Variants in SLC17A1 observed in about 807,000 individuals in gnomAD.
SLC17A1 encodes solute carrier family 17 member 1, also known as sodium-dependent phosphate transport protein 1.
A neutral mutation model predicts 53.5 loss-of-function variants in SLC17A1; 51 were observed. The ratio of observed to expected loss-of-function variants is 0.95; its 90% CI spans 0.76 to 1.20. The LOEUF (loss-of-function observed/expected upper bound fraction) is 1.20. Among genes scored for constraint, SLC17A1 ranks in the 50% most tolerant of loss-of-function variants. SLC17A1 has a pLI of 0.00. For missense variants in SLC17A1, 538 were observed against 568.2 expected, an observed-to-expected ratio of 0.95 and a Z score of 0.54; for synonymous variants, 179 against 198.8, an observed-to-expected ratio of 0.90 and a Z score of 0.84.
At chr6:25,759,861 G>T in the SLC17A1 span, among the ~76,000 whole-genome samples, 1 of 152,120 alleles carries the variant, frequency 6.6e-6, no homozygotes, top group Non-Finnish European at 1.5e-5. Flanking sequence ...CCAATTCTTT[G>T]ATAGCTGTAT....
the SLC17A1 span, chr6:25,770,479 G>A: frequency 0.3 from 491,553 of 1,611,888 alleles, 83,367 homozygotes; most frequent in East Asian, 0.76. Flanking sequence ...CAGGTAACTG[G>A]TACCCTAAAC....
At chr6:25,802,923 G>A (rs1482223958) in intron 10 of SLC17A1, among the ~76,000 whole-genome samples, 1 of 131,182 alleles carries the variant, frequency 7.6e-6, no homozygotes, top group Non-Finnish European at 1.6e-5. Context: ...ACGTTTTAAC[G>A]ACTATCTTCT....
At chr6:25,788,556 G>A (rs1763432943) in intron 12 of SLC17A1, among the ~76,000 whole-genome samples, 1 of 152,194 alleles carries the variant, frequency 6.6e-6, no homozygotes. Context: ...AGCCTGACCA[G>A]GTGCAGAGGG....
At chr6:25,823,182 T>C (rs1222272016) in intron 3 of SLC17A1, among the ~76,000 whole-genome samples, 1 of 152,176 alleles carries the variant, frequency 6.6e-6, no homozygotes, top group Non-Finnish European at 1.5e-5. Flanking sequence ...GGATGTGCCA[T>C]AGTTTGTTCA....
the SLC17A1 span, chr6:25,771,099 T>C: frequency 1.8e-6 from 2 of 1,090,482 alleles, no homozygotes; most frequent in African/African-American, 3.1e-5. Context: ...CTAATAGATA[T>C]GGATATTTAC....
chr6:25,803,774 G>A (rs548248608), intron 10 of SLC17A1, among the ~76,000 whole-genome samples: 13 of 152,018 alleles, frequency 8.6e-5, no homozygotes, highest in Non-Finnish European at 1.9e-4. Context: ...CAATAATTAT[G>A]GAGCAGCTAA....
rs777460557 is a variant in SLC17A1, at chr6:25,830,607, A to C, written c.-50T>G. Reference sequence around the variant, plus strand: ...TTGCTGAAGGGTTTTGCCTCCACCCACTGTGAGTGCAAAACACGTTGATGT... The same window carrying C: ...TTGCTGAAGGGTTTTGCCTCCACCCCCTGTGAGTGCAAAACACGTTGATGT... On this transcript the variant is annotated splice_region_variant and 5_prime_UTR_variant, in exon 2 of 13. Transcript: ENST00000244527. The C allele has an allele frequency of 3.1e-6, 5 of 1,610,722 alleles. No individual in the cohort carries two copies. The African/African-American group carries it at 6.7e-5, about 22-fold the overall frequency.
At chr6:25,775,126 T>G in the SLC17A1 span, among the ~76,000 whole-genome samples, 172 of 152,200 alleles carry the variant, frequency 1.1e-3, 1 homozygote, top group East Asian at 0.03. Flanking sequence ...GGTCAGGTGT[T>G]TGAGACCAGC....
the SLC17A1 span, among the ~76,000 whole-genome samples, chr6:25,723,774 G>T: frequency 6.6e-6 from 1 of 152,146 alleles, no homozygotes; most frequent in Admixed American, 6.5e-5. Context: ...CACTGCACTC[G>T]TCTGTGCGAC....
At chr6:25,727,367 G>T in the SLC17A1 span, 6 of 1,337,548 alleles carry the variant, frequency 4.5e-6, no homozygotes, top group Admixed American at 2.4e-5. Context: ...ACAGCTGTGG[G>T]CTTCGTTTTT....
At chr6:25,766,820 A>G in the SLC17A1 span, among the ~76,000 whole-genome samples, 267 of 152,362 alleles carry the variant, frequency 1.8e-3, 2 homozygotes, top group Non-Finnish European at 2.8e-3. Context: ...AATACATTTT[A>G]GAAACAAGGT....
At chr6:25,813,022 A>G in intron 7 of SLC17A1, 30 bp from the exon 8 acceptor site, 1 of 1,613,506 alleles carries the variant, frequency 6.2e-7, no homozygotes, top group South Asian at 1.1e-5. Flanking sequence ...GAATTAGCAC[A>G]TTAGAACAAA....
chr6:25,761,679 T>A, the SLC17A1 span, among the ~76,000 whole-genome samples: 1 of 152,152 alleles, frequency 6.6e-6, no homozygotes, highest in East Asian at 1.9e-4. Flanking sequence ...GATATTACAA[T>A]TTATGAAGGC....
rs1764062913 is a variant in SLC17A1, at chr6:25,809,197, AT to A, written c.1178+2200del. On this transcript the variant is annotated intron_variant, in intron 10 of 12. Coordinates refer to ENST00000244527, the MANE Select transcript of SLC17A1 (RefSeq NM_005074.5). Reference sequence around the variant, plus strand: ...TCAGTTATAAAGTAAGAACTAAATAATGTATACACATGGACAGAGTGTAGAA... The same window carrying A: ...TCAGTTATAAAGTAAGAACTAAATAAGTATACACATGGACAGAGTGTAGAA... 5.9e-5 allele frequency among the ~76,000 whole-genome samples: 9 copies of A among 152,214 alleles called. No individual in the cohort carries two copies. In the South Asian group the frequency reaches 1.9e-3, roughly 32 times the overall value.
At chr6:25,790,582 A>G (rs1324128119) in intron 12 of SLC17A1, among the ~76,000 whole-genome samples, 1 of 152,166 alleles carries the variant, frequency 6.6e-6, no homozygotes, top group Non-Finnish European at 1.5e-5. Flanking sequence ...TTAAAAGTAT[A>G]TTTTATTAAT....
the SLC17A1 span, among the ~76,000 whole-genome samples, chr6:25,740,356 G>T: frequency 1.3e-5 from 2 of 151,774 alleles, no homozygotes; most frequent in East Asian, 3.8e-4. Flanking sequence ...ATATTTACAA[G>T]ATATAACTTC....
intron 3 of SLC17A1, among the ~76,000 whole-genome samples, chr6:25,825,888 T>A (rs545472595): frequency 6.6e-6 from 1 of 152,196 alleles, no homozygotes; most frequent in East Asian, 1.9e-4. Context: ...ATATTCATGT[T>A]CACTAATTAT....
At chr6:25,735,196 T>C in the SLC17A1 span, among the ~76,000 whole-genome samples, 1 of 152,226 alleles carries the variant, frequency 6.6e-6, no homozygotes, top group Non-Finnish European at 1.5e-5. Flanking sequence ...CTATTTTTCA[T>C]TTATAAATTC....
At chr6:25,809,126 C>CT (rs1764060582) in intron 10 of SLC17A1, among the ~76,000 whole-genome samples, 1 of 151,836 alleles carries the variant, frequency 6.6e-6, no homozygotes, top group Admixed American at 6.6e-5. Context: ...AGGCCCTTGT[C>CT]TTAAGTGAAA....
Sources: allele counts gnomAD v4.1 joint callset (sites outside exome capture counted in the v4.1 genomes callset), GRCh38; gene constraint gnomAD v4.1.1; transcripts MANE v1.5; gene names NCBI Gene and HGNC (gene_info 2026-07-23, HGNC 2026-07-21).